The following DNMBP variants were observed in gnomAD, a reference collection of about 807,000 sequenced individuals.
DNMBP encodes the protein dynamin binding protein.
Under a neutral mutation model 150.0 loss-of-function variants are expected in DNMBP, and 87 were observed. The observed-to-expected ratio is 0.58, with a 90% CI of 0.49 to 0.69. DNMBP has a LOEUF of 0.69. Ranked by LOEUF, DNMBP falls within the 30% of genes least tolerant of loss-of-function variation. The probability of loss-of-function intolerance (pLI) is 0.00; values close to 1 mark genes in which losing one functional copy is unlikely to be tolerated. For missense variants in DNMBP, 1,774 were observed against 1,949.0 expected (o/e 0.91, Z 1.69); for synonymous variants, 711 against 750.4 (o/e 0.95, Z 0.86).
intron 6 of DNMBP, among the ~76,000 whole-genome samples, chr10:99,904,451 T>A (rs2039793841): frequency 6.6e-6 from 1 of 152,118 alleles, no homozygotes; most frequent in African/African-American, 2.4e-5. Context: ...CCACCTGCCC[T>A]TTGCCCGTGG....
chr10:99,964,666 T>C (rs2040600849), intron 3 of DNMBP, among the ~76,000 whole-genome samples: 1 of 150,682 alleles, frequency 6.6e-6, no homozygotes, highest in Admixed American at 6.6e-5. Flanking sequence ...AAGTCAGGAG[T>C]TCGAGACCAG....
chr10:99,992,526 G>GTTTTT (rs1164839351), intron 1 of DNMBP, among the ~76,000 whole-genome samples: 1 of 129,602 alleles, frequency 7.7e-6, no homozygotes, highest in African/African-American at 2.9e-5. Context: ...GAATCTAGGA[G>GTTTTT]TTTTTTTTTT....
intron 4 of DNMBP, among the ~76,000 whole-genome samples, chr10:99,948,319 A>C (rs1351864275): frequency 6.6e-6 from 1 of 152,212 alleles, no homozygotes; most frequent in Non-Finnish European, 1.5e-5. Context: ...AGAATGTGTA[A>C]GTAAAAGTTT....
intron 4 of DNMBP, among the ~76,000 whole-genome samples, chr10:99,949,431 A>G (rs1589434281): frequency 6.6e-6 from 1 of 152,332 alleles, no homozygotes; most frequent in African/African-American, 2.4e-5. Context: ...ATACAGAACC[A>G]GATTAGAGAA....
chr10:99,964,272 G>A (rs1441735067), intron 3 of DNMBP, among the ~76,000 whole-genome samples: 1 of 150,714 alleles, frequency 6.6e-6, no homozygotes, highest in Non-Finnish European at 1.5e-5. Flanking sequence ...GCCTCCCGAG[G>A]AGCTGGGATT....
intron 1 of DNMBP, among the ~76,000 whole-genome samples, chr10:99,985,339 T>G (rs2040818165): frequency 1.3e-5 from 2 of 152,144 alleles, no homozygotes; most frequent in Non-Finnish European, 2.9e-5. Context: ...AAATAAAATG[T>G]ATATATAATT....
intron 4 of DNMBP, among the ~76,000 whole-genome samples, chr10:99,949,071 A>G (rs2040392132): frequency 6.6e-6 from 1 of 152,178 alleles, no homozygotes; most frequent in African/African-American, 2.4e-5. Flanking sequence ...GGTCTGGCAC[A>G]GCACTGGTCT....
At chr10:99,899,580 C>A (rs1250093534) in intron 7 of DNMBP, among the ~76,000 whole-genome samples, 2 of 151,926 alleles carry the variant, frequency 1.3e-5, no homozygotes, top group Non-Finnish European at 2.9e-5. Context: ...CTGACCTGGG[C>A]AATAAGCTGA....
rs192788524 is a variant in DNMBP at position 99,882,397 on chromosome 10, C to T, written c.3997+1614G>A. Among the ~76,000 whole-genome samples the T allele has an allele frequency of 1.9e-4, 29 of 152,278 alleles. No individual in the cohort carries two copies. The East Asian group carries it at 2.7e-3, about 14-fold the overall frequency. ...TGCAAAGAAATGACAAGTTTATAGC[C>T]TGGGCAACACAGGGAGACTGTCTCT... On this transcript the variant is annotated intron_variant, in intron 15 of 16. Coordinates refer to ENST00000324109, the MANE Select transcript of DNMBP (RefSeq NM_015221.4).
intron 1 of DNMBP, among the ~76,000 whole-genome samples, chr10:99,982,137 G>A (rs1041704548): frequency 6.6e-6 from 1 of 152,082 alleles, no homozygotes; most frequent in Non-Finnish European, 1.5e-5. Flanking sequence ...GGATTTATGA[G>A]AACAACACAT....
intron 11 of DNMBP, among the ~76,000 whole-genome samples, chr10:99,892,173 G>C (rs2039580580): frequency 6.9e-6 from 1 of 145,068 alleles, no homozygotes; most frequent in Non-Finnish European, 1.5e-5. Context: ...AGGGAGGTGG[G>C]GGGGTCAGCC....
chr10:99,966,960 ATT>A (rs769272006), intron 3 of DNMBP, among the ~76,000 whole-genome samples: 11 of 136,834 alleles, frequency 8.0e-5, no homozygotes, highest in African/African-American at 8.1e-5. Flanking sequence ...GGCTAATTTA[ATT>A]TTTTTTTTTT....
At chr10:99,905,314 A>G (rs55645800) in intron 6 of DNMBP, among the ~76,000 whole-genome samples, 3,926 of 152,350 alleles carry the variant, frequency 0.026, 82 homozygotes, top group Middle Eastern at 0.15. Context: ...TGTATTCTGT[A>G]TAGAGGCTAA....
At chr10:99,900,138 AG>A in intron 6 of DNMBP, 72 bp from the exon 7 acceptor site, 1 of 1,541,338 alleles carries the variant, frequency 6.5e-7, no homozygotes, top group Non-Finnish European at 8.9e-7. Flanking sequence ...TAAGGTACAC[AG>A]CCAAACTTTA....
chr10:99,905,670 G>A (rs1210557732), intron 6 of DNMBP, among the ~76,000 whole-genome samples: 2 of 152,202 alleles, frequency 1.3e-5, no homozygotes, highest in African/African-American at 2.4e-5. Flanking sequence ...CTAGGCAGCA[G>A]AGCAAGACCT....
At position 99,888,972 on chromosome 10, in the gene DNMBP, G is replaced by A; in HGVS notation, c.3157-19C>T. The A allele has an allele frequency of 2.5e-6, 4 of 1,613,772 alleles. No individual in the cohort carries two copies. The highest frequency in any genetic ancestry group is 1.7e-4 in the Middle Eastern group (1 of 6,060). On this transcript the variant is annotated intron_variant, in intron 11 of 16. Coordinates refer to ENST00000324109, the MANE Select transcript of DNMBP (RefSeq NM_015221.4). The stretch of plus-strand genomic sequence containing the variant: ...CGGACTCCTGGAGCCAGTTAGGACA[G>A]ACACAAGTCAGAACAGACAGAACTT...
intron 3 of DNMBP, 79 bp downstream of exon 3, chr10:99,969,036 C>A: frequency 1.3e-6 from 2 of 1,567,324 alleles, no homozygotes; most frequent in South Asian, 2.3e-5. Flanking sequence ...TTCACAAATT[C>A]AAAAAGGATC....
rs980144796 is a variant in DNMBP, at chr10:99,957,160, T to C, written c.314A>G (p.Gln105Arg). ...LDGIPTAGWL[Q>R]GRSCWGARGF... is the part of the protein sequence containing the mutation. The stretch of plus-strand genomic sequence containing the variant: ...CCGTGCGCCCCAGCAGCTTCGGCCC[T>C]GCAGCCAGCCTGCAGTGGGAATGCC... The change falls in exon 4 of 17, where the codon CAG (glutamine) becomes CGG (arginine). Residue 105 changes from glutamine (Q) to arginine (R), a missense_variant. Physicochemically the swap from Gln to Arg is conservative, Grantham distance 43. Around this residue, in one of 2 missense-constraint regions of DNMBP, gnomAD observed 344 missense variants for 456.6 expected, o/e 0.75. Transcript: ENST00000324109. 2 of 1,609,008 alleles carry C rather than the reference T, an allele frequency of 1.2e-6. No individual in the cohort carries two copies. The highest frequency in any genetic ancestry group is 1.3e-5 in the African/African-American group (1 of 74,942).
intron 1 of DNMBP, among the ~76,000 whole-genome samples, chr10:100,001,927 T>C (rs755086045): frequency 2.6e-5 from 4 of 152,172 alleles, no homozygotes; most frequent in Non-Finnish European, 5.9e-5. Context: ...CTCCAAGTTC[T>C]GACAATGACT....
Sources: gnomAD v4.1 joint callset for allele counts (sites outside exome capture counted in the v4.1 genomes callset) on GRCh38, gnomAD v4.1.1 for gene constraint, gnomAD v4.1.1 regional missense constraint, MANE v1.5 for transcripts, NCBI Gene and HGNC (gene_info 2026-07-23, HGNC 2026-07-21) for gene names.